Variants in COL22A1 observed in about 807,000 individuals in gnomAD.
COL22A1 encodes collagen alpha-1(XXII) chain.
In COL22A1, 221 loss-of-function variants were observed where a neutral mutation model predicts 248.9. The ratio of observed to expected loss-of-function variants is 0.89; its 90% CI spans 0.80 to 0.99. The LOEUF (loss-of-function observed/expected upper bound fraction) is 0.99. Among genes scored for constraint, COL22A1 ranks in the 50% least tolerant of loss-of-function variants. The pLI is 0.00. For synonymous variants in COL22A1, 891 were observed against 793.4 expected, an observed-to-expected ratio of 1.12 and a Z score of -2.07; for missense variants, 2,240 against 2,179.0, an observed-to-expected ratio of 1.03 and a Z score of -0.56.
At chr8:138,632,434 T>G (rs1820801581) in intron 49 of COL22A1, among the ~76,000 whole-genome samples, 1 of 152,176 alleles carries the variant, frequency 6.6e-6, no homozygotes, top group South Asian at 2.1e-4. Flanking sequence ...GGACCTTCCA[T>G]GAATATAAGT....
chr8:138,662,106 A>G lies in COL22A1; in HGVS notation c.3187-23T>C, dbSNP rs573559714. 9 of 1,604,968 alleles carry G rather than the reference A, an allele frequency of 5.6e-6. No individual in the cohort carries two copies. The East Asian group carries it at 1.3e-4, about 24-fold the overall frequency. ...TCCCTGAAGAAAAAGAAAAGAAGAC[A>G]CTGACACCCTACAATATTTAAGCAA... On this transcript the variant is annotated intron_variant, in intron 42 of 64. Coordinates refer to ENST00000303045, the MANE Select transcript of COL22A1 (RefSeq NM_152888.3).
At chr8:138,830,916 C>T (rs1268605943) in intron 5 of COL22A1, among the ~76,000 whole-genome samples, 2 of 152,088 alleles carry the variant, frequency 1.3e-5, no homozygotes, top group Non-Finnish European at 2.9e-5. Context: ...GAGCATGGGG[C>T]CAGGTGATTC....
At chr8:138,870,992 G>A (rs1823295835) in intron 3 of COL22A1, among the ~76,000 whole-genome samples, 1 of 151,982 alleles carries the variant, frequency 6.6e-6, no homozygotes, top group African/African-American at 2.4e-5. Context: ...TCTCAGGCCA[G>A]GCAGAGGGAT....
In COL22A1 at chr8:138,793,871, G is replaced by A. The variant is rs151121206; in HGVS notation, c.1596+2948C>T. Among the ~76,000 whole-genome samples the A allele has an allele frequency of 1.6e-3, 237 of 152,308 alleles. 1 individual carries two copies. Among genetic ancestry groups the A allele is most frequent in the Admixed American group, 3.2e-3 (49 of 15,292 alleles). ...TCCCTGCCTGGTGACAGGAACACAC[G>A]CGAAGGACACATTAGTTGAGAGGAA... On this transcript the variant is annotated intron_variant, in intron 12 of 64. Coordinates refer to ENST00000303045, the MANE Select transcript of COL22A1 (RefSeq NM_152888.3).
chr8:138,715,618 T>A, intron 30 of COL22A1, 64 bp downstream of exon 30: 3 of 1,002,594 alleles, frequency 3.0e-6, no homozygotes, highest in Non-Finnish European at 4.6e-6. Flanking sequence ...GCAGAAAATC[T>A]CTTCCTTTAG....
intron 41 of COL22A1, among the ~76,000 whole-genome samples, chr8:138,669,410 AAGC>A (rs1451974332): frequency 2.6e-5 from 4 of 152,150 alleles, no homozygotes; most frequent in Non-Finnish European, 4.4e-5. Context: ...CGGTACCAAG[AAGC>A]CTTTCTTGTG....
At chr8:138,727,184 C>T (rs2131185651) in intron 23 of COL22A1, among the ~76,000 whole-genome samples, 1 of 152,320 alleles carries the variant, frequency 6.6e-6, no homozygotes, top group Admixed American at 6.5e-5. Context: ...GCCCTCCTCC[C>T]TCAGCTCCAG....
At position 138,821,151 on chromosome 8, in the gene COL22A1, G is replaced by A; in HGVS notation, c.1230C>T (p.Asp410=). ...TGGTACTCACGTCAATGGGCACACTGTCGTAGAGGCGCTTGCCAATCACAG... is the reference window on the plus strand; with the variant it reads ...TGGTACTCACGTCAATGGGCACACTATCGTAGAGGCGCTTGCCAATCACAG... The part of the protein sequence containing the change: ...GKTVIGKRLY[D]SVPIDFDLQR... The change falls in exon 7 of 65, where the codon GAC becomes GAT. Residue 410 remains aspartate (D), a synonymous_variant. Transcript: ENST00000303045. 2 of 1,614,176 alleles carry A rather than the reference G, an allele frequency of 1.2e-6. No individual in the cohort carries two copies. Among genetic ancestry groups the A allele is most frequent in the Non-Finnish European group, 1.7e-6 (2 of 1,180,020 alleles).
chr8:138,763,766 C>T (rs565152960), intron 16 of COL22A1, among the ~76,000 whole-genome samples: 5 of 152,278 alleles, frequency 3.3e-5, no homozygotes, highest in Admixed American at 6.5e-5. Flanking sequence ...CTGCACCCTT[C>T]GGGGCTCAGA....
In COL22A1 at chr8:138,662,075, T is replaced by G. The variant is rs371403301; in HGVS notation, c.3195A>C (p.Arg1065=). 2.5e-6 allele frequency: 4 copies of G among 1,612,196 alleles called. No homozygotes were observed. Among genetic ancestry groups the G allele is most frequent in the Non-Finnish European group, 3.4e-6 (4 of 1,179,178 alleles). ...GGGGGCCAGGGAATCCAGGTAAGCC[T>G]CGTGATCCCTGAAGAAAAAGAAAAG... ...PPGDKGSPGS[R]GLPGFPGPQG... Residue 1065 remains arginine, a synonymous_variant, in exon 43 of 65, where the codon CGA becomes CGC. Coordinates refer to ENST00000303045, the MANE Select transcript of COL22A1 (RefSeq NM_152888.3).
At chr8:138,857,287 C>T (rs1822106621) in intron 3 of COL22A1, among the ~76,000 whole-genome samples, 2 of 152,292 alleles carry the variant, frequency 1.3e-5, no homozygotes, top group South Asian at 4.1e-4. Flanking sequence ...AGCTCTGCCC[C>T]CACAGGCCCT....
chr8:138,746,478 C>A (rs943254689), intron 22 of COL22A1, among the ~76,000 whole-genome samples: 2 of 152,244 alleles, frequency 1.3e-5, no homozygotes, highest in Non-Finnish European at 2.9e-5. Flanking sequence ...CACAACATTA[C>A]AATTTGTTTC....
rs527727605 is a variant in COL22A1 at position 138,832,478 on chromosome 8, T to C, written c.845+561A>G. Among the ~76,000 whole-genome samples, 14 of 152,256 alleles carry C rather than the reference T, an allele frequency of 9.2e-5. 1 individual carries two copies. In the Middle Eastern group the frequency reaches 0.01, roughly 111 times the overall value. On this transcript the variant is annotated intron_variant, in intron 5 of 64. Coordinates refer to ENST00000303045, the MANE Select transcript of COL22A1 (RefSeq NM_152888.3). ...CTTTAGCCCCTGACTGGAGGCCCAA[T>C]AAGTGTCAGGAACTGGACAAATCTT...
At chr8:138,682,015 T>A (rs1042081415) in intron 39 of COL22A1, among the ~76,000 whole-genome samples, 1 of 152,204 alleles carries the variant, frequency 6.6e-6, no homozygotes, top group African/African-American at 2.4e-5. Context: ...ACAGTAATTA[T>A]TTCTGGAGCC....
chr8:138,689,232 C>T (rs542110089), intron 36 of COL22A1, among the ~76,000 whole-genome samples: 7 of 152,068 alleles, frequency 4.6e-5, no homozygotes, highest in Non-Finnish European at 7.3e-5. Flanking sequence ...GAAGCTTTAC[C>T]GCCTGCTCTG....
At chr8:138,602,501 G>A (rs960695244) in intron 59 of COL22A1, among the ~76,000 whole-genome samples, 3 of 152,264 alleles carry the variant, frequency 2.0e-5, no homozygotes, top group East Asian at 3.9e-4. Flanking sequence ...GGCTGTCACT[G>A]CCCTGGATGA....
intron 23 of COL22A1, among the ~76,000 whole-genome samples, chr8:138,731,750 AT>A (rs34530446): frequency 6.6e-6 from 1 of 152,044 alleles, no homozygotes. Flanking sequence ...AAGCTCTTGC[AT>A]TTTCCAGATA....
chr8:138,589,100 GTC>G lies in COL22A1; in HGVS notation c.*151_*152del, dbSNP rs1478365913. 1 of 667,604 alleles carries G rather than the reference GTC, an allele frequency of 1.5e-6. No individual in the cohort carries two copies. The highest frequency in any genetic ancestry group is 1.9e-5 in the African/African-American group (1 of 52,490). The allele number at this position is 667,604 out of a possible 1,614,324, so 41.4% of individuals were successfully genotyped here. A position where few individuals can be genotyped will look rare whatever the true frequency, so the allele number is the denominator to read the frequency against. On this transcript the variant is annotated 3_prime_UTR_variant, in exon 65 of 65. Transcript: ENST00000303045. Reference sequence around the variant, plus strand: ...GTCTGTTGGATTTAATAATTTTGAGGTCTCTCAAGAAAATAAAACAAAAAGCA... The same window carrying G: ...GTCTGTTGGATTTAATAATTTTGAGGTCTCAAGAAAATAAAACAAAAAGCA...
chr8:138,833,065 T>C lies in COL22A1; in HGVS notation c.819A>G (p.Gly273=), dbSNP rs1820171145. 6.2e-7 allele frequency: 1 copy of C among 1,613,084 alleles called. No individual in the cohort carries two copies. Among genetic ancestry groups the C allele is most frequent in the Admixed American group, 1.7e-5 (1 of 59,996 alleles). ...NGAQSSYVRM[G]SFPVVQSTED... ...CAGTACTTTGCACCACAGGGAAGGATCCCATCCGTACATAGGAACTCTGAG... is the reference window on the plus strand; with the variant it reads ...CAGTACTTTGCACCACAGGGAAGGACCCCATCCGTACATAGGAACTCTGAG... The change falls in exon 5 of 65, where the codon GGA becomes GGG. Residue 273 remains glycine, a synonymous_variant. Transcript: ENST00000303045.
Sources: allele counts gnomAD v4.1 joint callset (sites outside exome capture counted in the v4.1 genomes callset), GRCh38; gene constraint gnomAD v4.1.1; transcripts MANE v1.5; gene names NCBI Gene and HGNC (gene_info 2026-07-23, HGNC 2026-07-21).